The following ZFP90 variants were observed in gnomAD, a reference collection of about 807,000 sequenced individuals.
ZFP90 encodes the protein ZFP90 zinc finger protein.
In ZFP90, 38 loss-of-function variants were observed where a neutral mutation model predicts 60.8. The observed-to-expected ratio is 0.62, with a 90% CI of 0.48 to 0.82. ZFP90 has a LOEUF of 0.82. ZFP90 is among the 40% of genes least tolerant of loss of function. ZFP90 has a pLI of 0.00. For synonymous variants in ZFP90, 287 were observed against 264.8 expected, an observed-to-expected ratio of 1.08 and a Z score of -0.82; for missense variants, 711 against 759.1, an observed-to-expected ratio of 0.94 and a Z score of 0.74.
chr16:68,539,617 G>A (rs1031796998), intron 1 of ZFP90, 138 bp downstream of exon 1: 249 of 630,794 alleles, frequency 3.9e-4, no homozygotes, highest in South Asian at 1.2e-3. Flanking sequence ...CGGGGATGGG[G>A]AGCGGCAGGC....
intron 2 of ZFP90, among the ~76,000 whole-genome samples, chr16:68,574,532 A>G (rs2152079537): frequency 6.6e-6 from 1 of 152,216 alleles, no homozygotes; most frequent in East Asian, 1.9e-4. Flanking sequence ...AGAGCTAAGG[A>G]GAGTAAAGAA....
At chr16:68,568,949 A>G (rs927548104), downstream of ZFP90, among the ~76,000 whole-genome samples, 1 of 152,144 alleles carries the variant, frequency 6.6e-6, no homozygotes, top group African/African-American at 2.4e-5. Context: ...AAGTGCTGGG[A>G]TTACAGGTGT....
upstream of ZFP90, among the ~76,000 whole-genome samples, chr16:68,538,235 C>G (rs183717407): frequency 7.9e-5 from 12 of 152,168 alleles, no homozygotes; most frequent in Non-Finnish European, 1.6e-4. Context: ...TTTGAATGTT[C>G]ATATTTTTGA....
chr16:68,576,451 G>C (rs1196308759), downstream of ZFP90, among the ~76,000 whole-genome samples: 1 of 152,128 alleles, frequency 6.6e-6, no homozygotes, highest in Non-Finnish European at 1.5e-5. Flanking sequence ...AAGGAGCTTT[G>C]AAAAGCTCCA....
Position 68,566,662 on chromosome 16 carries a change from A to G in ZFP90, c.*1964A>G, listed in dbSNP as rs1281231366. ...ATGGTGCACCATGATTAGCTCACACACAATGCCAAGGCTGTGCTTCTATTA... is the reference window on the plus strand; with the variant it reads ...ATGGTGCACCATGATTAGCTCACACGCAATGCCAAGGCTGTGCTTCTATTA... On this transcript the variant is annotated 3_prime_UTR_variant, in exon 5 of 5. Transcript: ENST00000563169. The G allele has an allele frequency of 1.0e-6, 1 of 985,460 alleles. No individual in the cohort carries two copies. Among genetic ancestry groups the G allele is most frequent in the Non-Finnish European group, 1.2e-6 (1 of 829,958 alleles). 61.0% of individuals were successfully genotyped at this position (985,460 alleles called of 1,614,324 possible). A position where few individuals can be genotyped will look rare whatever the true frequency, so the allele number is the denominator to read the frequency against.
At chr16:68,557,812 T>G (rs11860220) in intron 2 of ZFP90, among the ~76,000 whole-genome samples, 186 bp from the exon 3 acceptor site, 27,537 of 146,216 alleles carry the variant, frequency 0.19, 2,947 homozygotes, top group African/African-American at 0.28. Flanking sequence ...CTCATAACTT[T>G]CCTGCCTGAC....
chr16:68,554,484 G>A (rs1378126637), intron 2 of ZFP90, among the ~76,000 whole-genome samples: 5 of 152,186 alleles, frequency 3.3e-5, no homozygotes, highest in African/African-American at 4.8e-5. Context: ...GTGTTTTGAA[G>A]TAACTCTGAT....
rs1248666065 is a variant in ZFP90 at position 68,565,462 on chromosome 16, CTATT to C, written c.*767_*770del. Reference sequence around the variant, plus strand: ...AAAATGTATGCAAATTTATCACAAACTATTTAAAGCAACTTCTTGGAGGCTTACA... The same window carrying C: ...AAAATGTATGCAAATTTATCACAAACTAAAGCAACTTCTTGGAGGCTTACA... On this transcript the variant is annotated 3_prime_UTR_variant, in exon 5 of 5. Transcript: ENST00000563169. 3.7e-5 allele frequency: 36 copies of C among 985,430 alleles called. 1 individual carries two copies. The highest frequency in any genetic ancestry group is 3.5e-5 in the African/African-American group (2 of 57,226). 61.0% of individuals were successfully genotyped at this position (985,430 alleles called of 1,614,324 possible). A position where few individuals can be genotyped will look rare whatever the true frequency, so the allele number is the denominator to read the frequency against.
rs1006915399 is a variant in ZFP90, at chr16:68,566,118, G to A, written c.*1420G>A. The A allele has an allele frequency of 3.0e-5, 27 of 896,528 alleles. No individual in the cohort carries two copies. The highest frequency in any genetic ancestry group is 3.4e-5 in the Non-Finnish European group (27 of 786,820). The allele number at this position is 896,528 out of a possible 1,614,324, so 55.5% of individuals were successfully genotyped here. A position where few individuals can be genotyped will look rare whatever the true frequency, so the allele number is the denominator to read the frequency against. ...ACTGCATTCCAGCCTGAGCAACAGA[G>A]CAAGACACACACACATCAATTTATT... On this transcript the variant is annotated 3_prime_UTR_variant, in exon 5 of 5. Transcript: ENST00000563169.
chr16:68,540,808 C>CAAAAAAAAAAAAA (rs35122186), intron 2 of ZFP90, among the ~76,000 whole-genome samples: 1 of 92,692 alleles, frequency 1.1e-5, no homozygotes, highest in Non-Finnish European at 2.0e-5. Flanking sequence ...TCCGTCTCTG[C>CAAAAAAAAAAAAA]AAAAAAAAAA....
At chr16:68,561,582 A>G (rs140291568) in intron 4 of ZFP90, among the ~76,000 whole-genome samples, 197 of 152,332 alleles carry the variant, frequency 1.3e-3, no homozygotes, top group Middle Eastern at 0.01. Flanking sequence ...TCTAGTTGCC[A>G]AAAGATTGTC....
At chr16:68,539,945 C>A in intron 2 of ZFP90, 120 bp downstream of exon 2, 5 of 1,374,552 alleles carry the variant, frequency 3.6e-6, no homozygotes, top group Admixed American at 2.2e-5. Flanking sequence ...TTGGCTCGAT[C>A]GGAGCCTCCT....
chr16:68,570,178 G>C (rs775516991), downstream of ZFP90, among the ~76,000 whole-genome samples: 1 of 151,844 alleles, frequency 6.6e-6, no homozygotes, highest in African/African-American at 2.4e-5. Flanking sequence ...TCTTCCATTC[G>C]CTCTTGTACC....
downstream of ZFP90, chr16:68,567,152 T>C: frequency 1.0e-6 from 1 of 985,604 alleles, no homozygotes; most frequent in Non-Finnish European, 1.2e-6. Flanking sequence ...TTTGTCGTTT[T>C]CAATTTTCAG....
At position 68,559,741 on chromosome 16, in the gene ZFP90, G is replaced by A. The variant is rs536986242; in HGVS notation, c.256+1173G>A. 3.3e-5 allele frequency among the ~76,000 whole-genome samples: 5 copies of A among 151,968 alleles called. No homozygotes were observed. In the East Asian group the frequency reaches 5.8e-4, roughly 18 times the overall value. The stretch of plus-strand genomic sequence containing the variant: ...TGCCACCACACCCGGCTAATTTTTT[G>A]TATTTTTAGTGAGGAAGAAACGAGG... On this transcript the variant is annotated intron_variant, in intron 4 of 4. Coordinates refer to ENST00000563169, the MANE Select transcript of ZFP90 (RefSeq NM_001305203.2).
rs543102490 is a variant in ZFP90 at position 68,546,508 on chromosome 16, A to ATGTTT, written c.33+6700_33+6704dup. 2.4e-4 allele frequency among the ~76,000 whole-genome samples: 37 copies of ATGTTT among 152,134 alleles called. No homozygotes were observed. The East Asian group carries it at 2.5e-3, about 10-fold the overall frequency. ...TCTCATATAAGTGGAATCAAACAGT[A>ATGTTT]TGTTTTGTTTTGTTTTGTTTTTTAT... On this transcript the variant is annotated intron_variant, in intron 2 of 4. Coordinates refer to ENST00000563169, the MANE Select transcript of ZFP90 (RefSeq NM_001305203.2).
At chr16:68,574,799 C>G (rs148073783) in intron 2 of ZFP90, among the ~76,000 whole-genome samples, 1 of 151,966 alleles carries the variant, frequency 6.6e-6, no homozygotes, top group Admixed American at 6.6e-5. Context: ...TGGCTCACAC[C>G]TGTAGTCCCA....
chr16:68,563,521 A>G lies in ZFP90; in HGVS notation c.734A>G (p.Gln245Arg), dbSNP rs765600449. The G allele has an allele frequency of 1.9e-6, 3 of 1,614,142 alleles. No homozygotes were observed. The highest frequency in any genetic ancestry group is 2.5e-6 in the Non-Finnish European group (3 of 1,180,054). The change falls in exon 5 of 5, where the codon CAA becomes CGA. Residue 245 changes from glutamine (Q) to arginine (R), a missense_variant. Gln to Arg is a conservative substitution (Grantham distance 43). Coordinates refer to ENST00000563169, the MANE Select transcript of ZFP90 (RefSeq NM_001305203.2). The part of the protein sequence containing the change: ...GEGAFPNGTD[Q>R]GIYPGKKHHE... Reference sequence around the variant, plus strand: ...GGAGCTTTCCCTAATGGAACAGATCAAGGAATTTATCCTGGAAAGAAACAC... The same window carrying G: ...GGAGCTTTCCCTAATGGAACAGATCGAGGAATTTATCCTGGAAAGAAACAC...
At chr16:68,572,268 A>G (rs1358604124) in intron 2 of ZFP90, among the ~76,000 whole-genome samples, 3 of 152,278 alleles carry the variant, frequency 2.0e-5, no homozygotes, top group South Asian at 4.1e-4. Context: ...CTGGACCTGA[A>G]TTATAATGGT....
Sources: gnomAD v4.1 joint callset for allele counts (sites outside exome capture counted in the v4.1 genomes callset) on GRCh38, gnomAD v4.1.1 for gene constraint, MANE v1.5 for transcripts, NCBI Gene and HGNC (gene_info 2026-07-23, HGNC 2026-07-21) for gene names.